Variants in IL1RAPL1 observed in about 807,000 individuals in gnomAD.
IL1RAPL1 encodes interleukin-1 receptor accessory protein-like 1.
Under a neutral mutation model 48.4 loss-of-function variants are expected in IL1RAPL1, and 3 were observed. The observed-to-expected ratio is 0.06, with a 90% confidence interval of 0.03 to 0.16. IL1RAPL1 has a LOEUF of 0.16. Among genes scored for constraint, IL1RAPL1 ranks in the 10% least tolerant of loss-of-function variants. IL1RAPL1 has a pLI of 1.00. For synonymous variants in IL1RAPL1, 185 were observed against 187.7 expected (o/e 0.99, Z 0.12); for missense variants, 349 against 530.6 (o/e 0.66, Z 3.36).
In IL1RAPL1 at chrX:28,997,211, C is replaced by T. The variant is rs1306893571; in HGVS notation, c.82+207786C>T. Among the ~76,000 whole-genome samples the T allele has an allele frequency of 4.5e-5, 5 of 111,378 alleles. No individual in the cohort carries two copies. The Admixed American group carries it at 4.8e-4, about 11-fold the overall frequency. ...ACATACATGAAAAAACTGCCAAAAACCTGATGCATTTGTGGTGTAATATTA... is the reference window on the plus strand; with the variant it reads ...ACATACATGAAAAAACTGCCAAAAATCTGATGCATTTGTGGTGTAATATTA... On this transcript the variant is annotated intron_variant, in intron 2 of 10. Transcript: ENST00000378993.
intron 2 of IL1RAPL1, among the ~76,000 whole-genome samples, chrX:29,002,063 T>C (rs1925867291): frequency 9.3e-6 from 1 of 107,961 alleles, no homozygotes; most frequent in African/African-American, 3.4e-5. Flanking sequence ...GTCCGGCTAA[T>C]TTTTTTTTGT....
At position 28,787,032 on chromosome X, in the gene IL1RAPL1, T is replaced by G. The variant is rs1192382793; in HGVS notation, c.-24-2288T>G. Among the ~76,000 whole-genome samples, 5 of 112,072 alleles carry G rather than the reference T, an allele frequency of 4.5e-5. No individual in the cohort carries two copies. In the Admixed American group the frequency reaches 4.8e-4, roughly 11 times the overall value. The stretch of plus-strand genomic sequence containing the variant: ...GACCAAGATGTTAAGTCTGTGAAAT[T>G]CTATGGATTTCTTTTTGTGTTCCCT... On this transcript the variant is annotated intron_variant, in intron 1 of 10. Coordinates refer to ENST00000378993, the MANE Select transcript of IL1RAPL1 (RefSeq NM_014271.4).
chrX:29,027,438 A>G (rs754831155), intron 2 of IL1RAPL1, among the ~76,000 whole-genome samples: 1 of 112,140 alleles, frequency 8.9e-6, no homozygotes, highest in Non-Finnish European at 1.9e-5. Flanking sequence ...TCATTCGTCT[A>G]TGGAAGGACA....
At chrX:29,873,356 C>T (rs1020551590) in intron 6 of IL1RAPL1, among the ~76,000 whole-genome samples, 1 of 108,621 alleles carries the variant, frequency 9.2e-6, no homozygotes, top group Non-Finnish European at 1.9e-5. Flanking sequence ...TAGTGGGATC[C>T]AGTGGTGCTG....
At chrX:28,635,522 AT>A (rs1262001612) in intron 1 of IL1RAPL1, among the ~76,000 whole-genome samples, 48 of 111,703 alleles carry the variant, frequency 4.3e-4, no homozygotes, top group East Asian at 2.8e-4. Flanking sequence ...AGTCAACACT[AT>A]TTTTTTATAT....
intron 5 of IL1RAPL1, among the ~76,000 whole-genome samples, chrX:29,577,030 T>C (rs1013158991): frequency 1.6e-4 from 18 of 111,804 alleles, no homozygotes. Flanking sequence ...AATTTTGCTG[T>C]GAATTATGAA....
intron 1 of IL1RAPL1, among the ~76,000 whole-genome samples, chrX:28,692,332 T>C (rs982251543): frequency 5.4e-5 from 6 of 111,405 alleles, no homozygotes; most frequent in Non-Finnish European, 9.4e-5. Context: ...AAAATATTTG[T>C]GGTCATGGGC....
intron 5 of IL1RAPL1, among the ~76,000 whole-genome samples, chrX:29,597,096 G>C (rs769445780): frequency 8.5e-4 from 93 of 109,265 alleles, no homozygotes; most frequent in Non-Finnish European, 1.5e-3. Context: ...TGATAATGGT[G>C]GCTTATCTTT....
At chrX:28,957,856 G>A (rs775094264) in intron 2 of IL1RAPL1, among the ~76,000 whole-genome samples, 107 of 109,830 alleles carry the variant, frequency 9.7e-4, no homozygotes, top group Middle Eastern at 4.6e-3. Flanking sequence ...CTACTCAGGA[G>A]GCTGAGGCAG....
rs561550049 is a variant in IL1RAPL1 at position 29,894,097 on chromosome X, G to A, written c.779-23367G>A. ...TTTATTTTATGTTATTCTCCATTAC[G>A]GAACTTCATTTTGTTTTACACAAAA... is the stretch of plus-strand genomic sequence containing the variant. On this transcript the variant is annotated intron_variant, in intron 6 of 10. Transcript: ENST00000378993. 7.2e-5 allele frequency among the ~76,000 whole-genome samples: 8 copies of A among 111,888 alleles called. No homozygotes were observed. The South Asian group carries it at 1.5e-3, about 21-fold the overall frequency.
At chrX:29,647,210 C>T (rs1318668036) in intron 5 of IL1RAPL1, among the ~76,000 whole-genome samples, 1 of 110,382 alleles carries the variant, frequency 9.1e-6, no homozygotes, top group Non-Finnish European at 1.9e-5. Context: ...AGTAGCTGGG[C>T]GTGGTGGCAC....
intron 2 of IL1RAPL1, among the ~76,000 whole-genome samples, chrX:28,924,935 TTTC>T (rs1487534353): frequency 2.7e-5 from 3 of 112,238 alleles, no homozygotes; most frequent in African/African-American, 9.7e-5. Context: ...TAGTTGGACT[TTTC>T]TTTATCATAA....
At chrX:28,788,454 C>T (rs926587699) in intron 1 of IL1RAPL1, among the ~76,000 whole-genome samples, 4 of 110,734 alleles carry the variant, frequency 3.6e-5, no homozygotes, top group East Asian at 2.8e-4. Context: ...TGGGTAGTTT[C>T]GTTGAGTGTT....
chrX:28,940,125 C>A (rs1924128658), intron 2 of IL1RAPL1, among the ~76,000 whole-genome samples: 1 of 111,335 alleles, frequency 9.0e-6, no homozygotes, highest in Non-Finnish European at 1.9e-5. Context: ...GATAAATAAG[C>A]TATCCAAATG....
At chrX:29,153,737 G>GA (rs1239639476) in intron 2 of IL1RAPL1, among the ~76,000 whole-genome samples, 8 of 112,263 alleles carry the variant, frequency 7.1e-5, no homozygotes, top group African/African-American at 2.6e-4. Flanking sequence ...ACCACATTGA[G>GA]AAAATTACCA....
At chrX:29,010,742 T>A (rs962396810) in intron 2 of IL1RAPL1, among the ~76,000 whole-genome samples, 1 of 111,541 alleles carries the variant, frequency 9.0e-6, no homozygotes, top group Non-Finnish European at 1.9e-5. Context: ...TAAGAGCTGA[T>A]CCCTTGGGCT....
chrX:29,511,378 C>A (rs149078841), intron 5 of IL1RAPL1, among the ~76,000 whole-genome samples: 1 of 111,779 alleles, frequency 8.9e-6, no homozygotes, highest in South Asian at 3.7e-4. Context: ...TATAGTCTGA[C>A]CTTTCTAATC....
chrX:29,153,251 C>G (rs773224568), intron 2 of IL1RAPL1, among the ~76,000 whole-genome samples: 41 of 111,670 alleles, frequency 3.7e-4, no homozygotes, highest in Middle Eastern at 4.6e-3. Context: ...CTGGATAACC[C>G]TGGCTTATCT....
chrX:29,336,307 GTGTGTGTGTGT>G (rs1932996223), intron 3 of IL1RAPL1, among the ~76,000 whole-genome samples: 3 of 10,738 alleles, frequency 2.8e-4, no homozygotes, highest in African/African-American at 1.2e-3. Context: ...GTTTTGGGGT[GTGTGTGTGTGT>G]GTGTGTGTGT....
Sources: gnomAD v4.1 joint callset for allele counts (sites outside exome capture counted in the v4.1 genomes callset) on GRCh38, gnomAD v4.1.1 for gene constraint, MANE v1.5 for transcripts, NCBI Gene and HGNC (gene_info 2026-07-23, HGNC 2026-07-21) for gene names.